The following PPM1D variants were observed in gnomAD, a reference collection of about 807,000 sequenced individuals.
PPM1D encodes protein phosphatase 1D.
In PPM1D, 52 loss-of-function variants were observed where a neutral mutation model predicts 58.3. That is an observed-to-expected ratio of 0.89 (90% CI 0.71 to 1.12). PPM1D has a LOEUF of 1.12. Among genes scored for constraint, PPM1D ranks in the 50% most tolerant of loss-of-function variants. The pLI, the probability that PPM1D is intolerant of heterozygous loss-of-function variation, is 0.00. For synonymous variants in PPM1D, 278 were observed against 285.1 expected, an observed-to-expected ratio of 0.98 and a Z score of 0.25; for missense variants, 564 against 777.2, an observed-to-expected ratio of 0.73 and a Z score of 3.26.
At chr17:60,633,487 C>T (rs1369785801) in intron 2 of PPM1D, among the ~76,000 whole-genome samples, 2 of 152,146 alleles carry the variant, frequency 1.3e-5, no homozygotes, top group Admixed American at 1.3e-4. Context: ...CGGCTCACTG[C>T]AGCCTCTGCC....
At chr17:60,644,385 C>T (rs1445713793) in intron 3 of PPM1D, among the ~76,000 whole-genome samples, 1 of 152,156 alleles carries the variant, frequency 6.6e-6, no homozygotes, top group Non-Finnish European at 1.5e-5. Flanking sequence ...ATCCTCCTGT[C>T]TCCACCTCCC....
intron 2 of PPM1D, among the ~76,000 whole-genome samples, chr17:60,628,312 C>T (rs933819628): frequency 6.6e-6 from 1 of 152,164 alleles, no homozygotes; most frequent in Non-Finnish European, 1.5e-5. Context: ...TATCCTTCTC[C>T]AGAGTGTTTG....
chr17:60,601,477 T>C (rs975451596), intron 1 of PPM1D, among the ~76,000 whole-genome samples: 2 of 152,216 alleles, frequency 1.3e-5, no homozygotes, highest in Non-Finnish European at 2.9e-5. Context: ...GTGAGATGTT[T>C]TTAGGATCAT....
At chr17:60,643,393 C>A (rs1339610651) in intron 3 of PPM1D, among the ~76,000 whole-genome samples, 1 of 151,966 alleles carries the variant, frequency 6.6e-6, no homozygotes, top group African/African-American at 2.4e-5. Flanking sequence ...AAAAAAGAAA[C>A]CTTTTTGGGG....
At chr17:60,623,844 A>T in intron 2 of PPM1D, 95 bp downstream of exon 2, 1 of 1,228,668 alleles carries the variant, frequency 8.1e-7, no homozygotes. Context: ...CCTTTTACTG[A>T]AGTTACTTTC....
At chr17:60,626,878 A>G (rs2030821248) in intron 2 of PPM1D, among the ~76,000 whole-genome samples, 1 of 152,142 alleles carries the variant, frequency 6.6e-6, no homozygotes, top group Non-Finnish European at 1.5e-5. Context: ...TCTTATGAGA[A>G]ATATTGAATC....
Position 60,666,026 on chromosome 17 carries a change from A to G in PPM1D, c.*2474A>G, listed in dbSNP as rs1326228514. ...CTACAACGTGGGAGACTCCTACACAAGGCATGAATTCTAGGAGGTGGGCAT... is the reference window on the plus strand; with the variant it reads ...CTACAACGTGGGAGACTCCTACACAGGGCATGAATTCTAGGAGGTGGGCAT... On this transcript the variant is annotated 3_prime_UTR_variant, in exon 6 of 6. Coordinates refer to ENST00000305921, the MANE Select transcript of PPM1D (RefSeq NM_003620.4). 1 of 152,220 alleles carries G rather than the reference A, an allele frequency of 6.6e-6. No homozygotes were observed. Among genetic ancestry groups the G allele is most frequent in the Non-Finnish European group, 1.5e-5 (1 of 68,018 alleles). The allele number at this position is 152,220 out of a possible 1,614,324, so 9.4% of individuals were successfully genotyped here.
At chr17:60,636,328 A>T (rs756463118) in intron 3 of PPM1D, among the ~76,000 whole-genome samples, 1 of 152,220 alleles carries the variant, frequency 6.6e-6, no homozygotes, top group East Asian at 1.9e-4. Flanking sequence ...TTATTCACCA[A>T]ATATTTATTA....
intron 2 of PPM1D, among the ~76,000 whole-genome samples, chr17:60,626,002 A>G (rs1040297376): frequency 1.3e-5 from 2 of 152,170 alleles, no homozygotes; most frequent in Admixed American, 1.3e-4. Flanking sequence ...TGTCCTTTCA[A>G]AAGAGAGATA....
chr17:60,612,439 C>T (rs2030478064), intron 1 of PPM1D, among the ~76,000 whole-genome samples: 1 of 152,054 alleles, frequency 6.6e-6, no homozygotes, highest in Non-Finnish European at 1.5e-5. Flanking sequence ...GCGTGTTGCT[C>T]CTAGGCTACA....
At chr17:60,637,085 C>T (rs970098299) in intron 3 of PPM1D, among the ~76,000 whole-genome samples, 3 of 151,742 alleles carry the variant, frequency 2.0e-5, no homozygotes, top group African/African-American at 7.3e-5. Flanking sequence ...TCTGCTGCCT[C>T]AGCCTCCCAA....
At chr17:60,658,381 G>GGATTA (rs1454208004) in intron 5 of PPM1D, among the ~76,000 whole-genome samples, 1 of 152,162 alleles carries the variant, frequency 6.6e-6, no homozygotes, top group African/African-American at 2.4e-5. Context: ...GGGCACAGTG[G>GGATTA]CTCATGCCTG....
chr17:60,645,510 GTGTATATATA>G lies in PPM1D; in HGVS notation c.827-2370_827-2361del, dbSNP rs1257570455. Among the ~76,000 whole-genome samples, 736 of 128,548 alleles carry G rather than the reference GTGTATATATA, an allele frequency of 5.7e-3. 11 individuals are homozygous for G. Among genetic ancestry groups the G allele is most frequent in the East Asian group, 0.04 (178 of 4,492 alleles). The allele number at this position is 128,548 out of a possible 152,430, so 84.3% of individuals were successfully genotyped here. On this transcript the variant is annotated intron_variant, in intron 3 of 5. Transcript: ENST00000305921. The stretch of plus-strand genomic sequence containing the variant: ...TGTGTGTGTATGTGTATATATATAT[GTGTATATATA>G]TGTATATATATATGTGTATATATAT...
rs2031275329 is a variant in PPM1D at position 60,647,820 on chromosome 17, CTT to C, written c.827-69_827-68del. 3.5e-6 allele frequency: 5 copies of C among 1,423,104 alleles called. No homozygotes were observed. The South Asian group carries it at 6.2e-5, about 18-fold the overall frequency. 88.2% of individuals were successfully genotyped at this position (1,423,104 alleles called of 1,614,324 possible). On this transcript the variant is annotated intron_variant, in intron 3 of 5. Coordinates refer to ENST00000305921, the MANE Select transcript of PPM1D (RefSeq NM_003620.4). The stretch of plus-strand genomic sequence containing the variant: ...TTGAGATGAACTGTGTAGATTTTCT[CTT>C]TTAATCTGTTGCTGTTGTACTATTA...
chr17:60,639,852 A>G (rs1367869456), intron 3 of PPM1D, among the ~76,000 whole-genome samples: 1 of 152,252 alleles, frequency 6.6e-6, no homozygotes, highest in African/African-American at 2.4e-5. Flanking sequence ...CTGGAGGTTA[A>G]GGAGGAAGAA....
intron 3 of PPM1D, among the ~76,000 whole-genome samples, chr17:60,646,293 A>T (rs2031250105): frequency 1.3e-5 from 2 of 152,130 alleles, no homozygotes; most frequent in African/African-American, 4.8e-5. Flanking sequence ...TGCTACTTTC[A>T]AGTGGGAGTA....
At chr17:60,651,150 G>C (rs1486740196) in intron 4 of PPM1D, among the ~76,000 whole-genome samples, 4 of 152,040 alleles carry the variant, frequency 2.6e-5, no homozygotes, top group African/African-American at 9.7e-5. Flanking sequence ...AGTGGAAAAT[G>C]GTTTATATAA....
At chr17:60,647,324 C>CT (rs1298383577) in intron 3 of PPM1D, among the ~76,000 whole-genome samples, 2 of 152,008 alleles carry the variant, frequency 1.3e-5, no homozygotes, top group African/African-American at 4.8e-5. Flanking sequence ...TCCTAAGTTC[C>CT]TTACATTTGG....
At chr17:60,644,157 G>T (rs778170906) in intron 3 of PPM1D, among the ~76,000 whole-genome samples, 10 of 151,936 alleles carry the variant, frequency 6.6e-5, no homozygotes, top group Non-Finnish European at 1.5e-4. Flanking sequence ...GGGATTACAG[G>T]TGTGAGCCAC....
Sources: allele counts gnomAD v4.1 joint callset (sites outside exome capture counted in the v4.1 genomes callset), GRCh38; gene constraint gnomAD v4.1.1; transcripts MANE v1.5; gene names NCBI Gene and HGNC (gene_info 2026-07-23, HGNC 2026-07-21).